SPG11: variants seen among roughly 807,000 people sequenced by gnomAD.
SPG11 encodes SPG11 vesicle trafficking associated, spatacsin.
In SPG11, 222 loss-of-function variants were observed where a neutral mutation model predicts 274.0. The ratio of observed to expected loss-of-function variants is 0.81; its 90% CI spans 0.73 to 0.91. The LOEUF (loss-of-function observed/expected upper bound fraction) is 0.91. Ranked by LOEUF, SPG11 falls within the 40% of genes least tolerant of loss-of-function variation. The pLI, the probability that SPG11 is intolerant of heterozygous loss-of-function variation, is 0.00. For synonymous variants in SPG11, 1,144 were observed against 1,039.7 expected, an observed-to-expected ratio of 1.10 and a Z score of -1.93; for missense variants, 3,114 against 2,872.7, an observed-to-expected ratio of 1.08 and a Z score of -1.92.
intron 33 of SPG11, chr15:44,572,407 A>G: frequency 2.4e-6 from 1 of 425,456 alleles, no homozygotes; most frequent in Non-Finnish European, 4.4e-6. Context: ...CTTCTAGGGG[A>G]CAATAACGTT....
chr15:44,634,049 G>C (rs533278378), intron 7 of SPG11, among the ~76,000 whole-genome samples: 13 of 152,194 alleles, frequency 8.5e-5, no homozygotes, highest in Admixed American at 1.3e-4. Flanking sequence ...GTGTTGGCCA[G>C]GCTGGTCTCG....
chr15:44,571,286 C>G (rs960128984), intron 33 of SPG11, among the ~76,000 whole-genome samples: 4 of 152,076 alleles, frequency 2.6e-5, no homozygotes, highest in African/African-American at 7.2e-5. Context: ...ATCCTTCAGG[C>G]CTTCGTTTGG....
At chr15:44,586,105 C>T (rs577688928) in intron 28 of SPG11, among the ~76,000 whole-genome samples, 14 of 151,176 alleles carry the variant, frequency 9.3e-5, no homozygotes, top group Non-Finnish European at 1.6e-4. Flanking sequence ...CTGCCTCGGC[C>T]TCCTGAGTAG....
intron 4 of SPG11, among the ~76,000 whole-genome samples, chr15:44,653,988 C>G (rs923342103): frequency 1.3e-5 from 2 of 152,050 alleles, no homozygotes; most frequent in Admixed American, 1.3e-4. Flanking sequence ...GGGTCTTGCT[C>G]TGTTGCCCAG....
At chr15:44,568,662 A>G (rs1299090688) in intron 35 of SPG11, among the ~76,000 whole-genome samples, 1 of 152,162 alleles carries the variant, frequency 6.6e-6, no homozygotes, top group Non-Finnish European at 1.5e-5. Flanking sequence ...TTTTTGGTCT[A>G]AACTTTTGTG....
intron 9 of SPG11, 149 bp downstream of exon 9, chr15:44,629,084 C>A: frequency 1.0e-6 from 1 of 954,092 alleles, no homozygotes; most frequent in South Asian, 1.5e-5. Context: ...GTATCAAAAC[C>A]CATTTCACTT....
chr15:44,598,924 G>T, intron 21 of SPG11, 88 bp from the exon 22 acceptor site: 1 of 1,310,246 alleles, frequency 7.6e-7, no homozygotes, highest in Non-Finnish European at 1.1e-6. Context: ...AGTGACAGAG[G>T]GAGTGCCAGC....
chr15:44,564,050 G>A (rs1477976299), intron 39 of SPG11, among the ~76,000 whole-genome samples: 1 of 152,116 alleles, frequency 6.6e-6, no homozygotes, highest in African/African-American at 2.4e-5. Context: ...CTGGAGTATA[G>A]TGGCACGATC....
rs199765540 is a variant in SPG11, at chr15:44,651,821, T to C, written c.1126A>G (p.Asn376Asp). 129 of 1,614,070 alleles carry C rather than the reference T, an allele frequency of 8.0e-5. 1 individual carries two copies. Among genetic ancestry groups the C allele is most frequent in the Non-Finnish European group, 1.1e-4 (126 of 1,180,030 alleles). ...CAGCTCTGCACACTTGTACTGTGGT[T>C]ACCAGATTCAGGTGACTCCAAATGC... is the stretch of plus-strand genomic sequence containing the variant. ...ILHLESPESG[N>D]HSTSVQSWAF... Residue 376 changes from asparagine (N) to aspartate (D), a missense_variant, in exon 6 of 40, where the codon AAC (asparagine) becomes GAC (aspartate). Physicochemically the swap from Asn to Asp is conservative, Grantham distance 23. Transcript: ENST00000261866.
intron 20 of SPG11, among the ~76,000 whole-genome samples, chr15:44,601,859 C>T (rs2083199428): frequency 6.6e-6 from 1 of 151,956 alleles, no homozygotes; most frequent in South Asian, 2.1e-4. Flanking sequence ...GCCACTGTGT[C>T]CAGCCAGCCA....
chr15:44,569,317 T>A (rs2082369875), intron 35 of SPG11, 81 bp downstream of exon 35: 1 of 1,012,012 alleles, frequency 9.9e-7, no homozygotes, highest in Non-Finnish European at 1.5e-6. Context: ...CTACCCTGAC[T>A]GAGATTATTC....
intron 4 of SPG11, among the ~76,000 whole-genome samples, chr15:44,653,427 C>T (rs1250515277): frequency 6.6e-6 from 1 of 152,016 alleles, no homozygotes; most frequent in East Asian, 1.9e-4. Flanking sequence ...GAAAATAGTT[C>T]CCCCATCAAC....
rs1323682631 is a variant in SPG11 at position 44,569,515 on chromosome 15, G to C, written c.6478-10C>G. The C allele has an allele frequency of 6.4e-7, 1 of 1,568,554 alleles. No individual in the cohort carries two copies. ...CAGTGAGGAGCCGTACCTGTGAAGT[G>C]GGAGGACAGCTCGCATCAGCATCAC... is the stretch of plus-strand genomic sequence containing the variant. On this transcript the variant is annotated splice_polypyrimidine_tract_variant and intron_variant, in intron 34 of 39. Transcript: ENST00000261866.
At chr15:44,631,661 CTT>C (rs778676384) in intron 8 of SPG11, among the ~76,000 whole-genome samples, 11 of 124,656 alleles carry the variant, frequency 8.8e-5, no homozygotes, top group African/African-American at 8.8e-5. Flanking sequence ...CTGCATCAGG[CTT>C]TTTTTTTTTT....
At chr15:44,597,090 T>A in intron 23 of SPG11, 147 bp from the exon 24 acceptor site, 12 of 622,750 alleles carry the variant, frequency 1.9e-5, no homozygotes, top group Non-Finnish European at 2.4e-5. Context: ...TTTATTAGGC[T>A]ACTTTGAAAA....
At chr15:44,589,956 G>A (rs1054026236) in intron 27 of SPG11, among the ~76,000 whole-genome samples, 1 of 152,100 alleles carries the variant, frequency 6.6e-6, no homozygotes, top group Admixed American at 6.6e-5. Flanking sequence ...ACAGGCACAC[G>A]CCACCACGCC....
chr15:44,595,974 G>T, intron 25 of SPG11, 109 bp downstream of exon 25: 1 of 1,421,254 alleles, frequency 7.0e-7, no homozygotes, highest in Non-Finnish European at 9.8e-7. Flanking sequence ...ACACATGCTG[G>T]AACCTCACTG....
chr15:44,603,890 A>T (rs1364967138), intron 20 of SPG11, among the ~76,000 whole-genome samples: 1 of 151,604 alleles, frequency 6.6e-6, no homozygotes, highest in African/African-American at 2.4e-5. Flanking sequence ...TCTTTTTTTT[A>T]AATTGTTTGT....
intron 8 of SPG11, 74 bp from the exon 9 acceptor site, chr15:44,629,462 C>T: frequency 6.9e-7 from 1 of 1,446,790 alleles, no homozygotes; most frequent in Non-Finnish European, 9.6e-7. Context: ...TCAAAAATAT[C>T]ATGTTACAAT....
Sources: allele counts gnomAD v4.1 joint callset (sites outside exome capture counted in the v4.1 genomes callset), GRCh38; gene constraint gnomAD v4.1.1; transcripts MANE v1.5; gene names NCBI Gene and HGNC (gene_info 2026-07-23, HGNC 2026-07-21).